Variants in PCDH11X observed in about 807,000 individuals in gnomAD.
PCDH11X encodes the protein protocadherin-11 X-linked.
A neutral mutation model predicts 53.3 loss-of-function variants in PCDH11X; 18 were observed. The observed-to-expected ratio is 0.34, with a 90% CI of 0.23 to 0.50. PCDH11X has a LOEUF of 0.50. Ranked by LOEUF, PCDH11X falls within the 20% of genes least tolerant of loss-of-function variation. The pLI is 0.98. For missense variants in PCDH11X, 570 were observed against 1,032.4 expected (o/e 0.55, Z 6.14); for synonymous variants, 279 against 393.3 (o/e 0.71, Z 3.44).
chrX:92,534,977 C>T (rs145119318), intron 10 of PCDH11X, among the ~76,000 whole-genome samples: 1,758 of 111,217 alleles, frequency 0.016, 42 homozygotes, highest in African/African-American at 0.054. Context: ...AGTGAGATAC[C>T]ATCTCACACC....
chrX:92,575,592 A>G (rs756894919), intron 10 of PCDH11X, among the ~76,000 whole-genome samples: 28 of 108,786 alleles, frequency 2.6e-4, no homozygotes, highest in South Asian at 1.2e-3. Context: ...ACTGTTGTCT[A>G]CTATTATGTT....
chrX:91,997,710 G>A (rs1159384284), intron 6 of PCDH11X, among the ~76,000 whole-genome samples: 1 of 111,090 alleles, frequency 9.0e-6, no homozygotes, highest in Non-Finnish European at 1.9e-5. Flanking sequence ...TTTGGTAACA[G>A]GGTATTGCTG....
chrX:92,469,904 A>G (rs1020658694), intron 10 of PCDH11X, among the ~76,000 whole-genome samples: 3 of 109,414 alleles, frequency 2.7e-5, no homozygotes, highest in South Asian at 3.9e-4. Context: ...TTGTGGTTCC[A>G]TATAAGTTTT....
At chrX:92,336,388 CAGAGGT>C (rs2069619468) in intron 8 of PCDH11X, among the ~76,000 whole-genome samples, 1 of 111,037 alleles carries the variant, frequency 9.0e-6, no homozygotes, top group African/African-American at 3.3e-5. Flanking sequence ...TAAAGAAAAC[CAGAGGT>C]AGTCCATGTT....
chrX:92,165,167 T>C (rs948827319), intron 6 of PCDH11X, among the ~76,000 whole-genome samples: 5 of 111,774 alleles, frequency 4.5e-5, no homozygotes, highest in Non-Finnish European at 9.4e-5. Flanking sequence ...AATAAATCAA[T>C]AATTTTAAGG....
intron 6 of PCDH11X, among the ~76,000 whole-genome samples, chrX:92,020,520 A>G (rs1465332240): frequency 4.5e-5 from 5 of 110,209 alleles, no homozygotes; most frequent in African/African-American, 1.7e-4. Flanking sequence ...AGCCCCAGGA[A>G]CTCAGGAACA....
chrX:92,179,193 G>A lies in PCDH11X; in HGVS notation c.3034-22182G>A, dbSNP rs762646391. ...ACTGGAAACAAAAGCTGACTATTTC[G>A]ATCTTAAACTATCTGAATTATTACT... On this transcript the variant is annotated intron_variant, in intron 6 of 10. Coordinates refer to ENST00000682573, the MANE Select transcript of PCDH11X (RefSeq NM_032968.5). 3.1e-4 allele frequency among the ~76,000 whole-genome samples: 35 copies of A among 111,943 alleles called. No individual in the cohort carries two copies. In the East Asian group the frequency reaches 6.2e-3, roughly 20 times the overall value.
intron 6 of PCDH11X, among the ~76,000 whole-genome samples, chrX:92,112,853 TA>T (rs2064549324): frequency 1.0e-5 from 1 of 96,272 alleles, no homozygotes; most frequent in Non-Finnish European, 2.0e-5. Context: ...AAATTAACTC[TA>T]AAAAAGGCAG....
chrX:92,389,728 T>G (rs1320615301), intron 9 of PCDH11X, among the ~76,000 whole-genome samples: 1 of 111,097 alleles, frequency 9.0e-6, no homozygotes, highest in African/African-American at 3.3e-5. Flanking sequence ...AATAAGTAGT[T>G]GTTTTAAAAA....
intron 5 of PCDH11X, among the ~76,000 whole-genome samples, chrX:91,848,269 G>A (rs1201193373): frequency 9.3e-6 from 1 of 107,908 alleles, no homozygotes; most frequent in African/African-American, 3.4e-5. Context: ...ATGCGATCTC[G>A]GCTCACTGCA....
intron 1 of PCDH11X, among the ~76,000 whole-genome samples, 119 bp from the exon 2 acceptor site, chrX:91,809,347 A>G (rs1936223982): frequency 9.0e-6 from 1 of 110,883 alleles, no homozygotes; most frequent in Non-Finnish European, 1.9e-5. Flanking sequence ...ATTCTTCGGT[A>G]CTATCATATC....
intron 9 of PCDH11X, among the ~76,000 whole-genome samples, chrX:92,401,824 G>T (rs149631448): frequency 0.014 from 1,513 of 111,888 alleles, 26 homozygotes; most frequent in African/African-American, 0.047. Flanking sequence ...AATTACTATG[G>T]ATCAAATGAT....
intron 6 of PCDH11X, among the ~76,000 whole-genome samples, chrX:92,196,893 A>G (rs1030514389): frequency 3.3e-4 from 37 of 111,469 alleles, no homozygotes; most frequent in Non-Finnish European, 2.3e-4. Context: ...AATGAATCAC[A>G]TGGTGAATGG....
chrX:92,298,788 G>A (rs1190357643), intron 8 of PCDH11X, among the ~76,000 whole-genome samples: 2 of 110,895 alleles, frequency 1.8e-5, no homozygotes, highest in Non-Finnish European at 3.8e-5. Flanking sequence ...ATGAACTAGG[G>A]GGGAAGAGAG....
At chrX:92,087,252 G>C (rs1323194385) in intron 6 of PCDH11X, among the ~76,000 whole-genome samples, 1 of 108,307 alleles carries the variant, frequency 9.2e-6, no homozygotes, top group Non-Finnish European at 1.9e-5. Context: ...GCACCACCAC[G>C]CCTGGCTAAT....
At chrX:92,149,471 G>GTA (rs200040823) in intron 6 of PCDH11X, among the ~76,000 whole-genome samples, 3 of 97,024 alleles carry the variant, frequency 3.1e-5, no homozygotes, top group African/African-American at 1.1e-4. Flanking sequence ...GTGTGTGTGT[G>GTA]TATATATGTG....
At chrX:92,170,917 G>A (rs867401069) in intron 6 of PCDH11X, among the ~76,000 whole-genome samples, 4 of 61,207 alleles carry the variant, frequency 6.5e-5, no homozygotes, top group East Asian at 1.1e-3. Context: ...TCAGCCTCCC[G>A]AGTAGCTGGG....
rs1267177658 is a variant in PCDH11X, at chrX:92,196,762, G to C, written c.3034-4613G>C. 3.6e-5 allele frequency among the ~76,000 whole-genome samples: 4 copies of C among 111,031 alleles called. No homozygotes were observed. In the East Asian group the frequency reaches 1.1e-3, roughly 32 times the overall value. On this transcript the variant is annotated intron_variant, in intron 6 of 10. Transcript: ENST00000682573. ...AGGCCAGCATACTCCATCCCTGGCA[G>C]GGCTGCTCGGGGCCTTTCTCTTGTA...
Position 91,853,221 on chromosome X carries a change from C to T in PCDH11X, c.540+17177C>T, listed in dbSNP as rs1172188540. 2.7e-5 allele frequency among the ~76,000 whole-genome samples: 3 copies of T among 111,196 alleles called. No individual in the cohort carries two copies. The Admixed American group carries it at 2.9e-4, about 11-fold the overall frequency. Reference sequence around the variant, plus strand: ...AGTGCTAAATGATAAAACAGAGTAGCCTGAGGTGGTTTTCTTCTAATTTCA... The same window carrying T: ...AGTGCTAAATGATAAAACAGAGTAGTCTGAGGTGGTTTTCTTCTAATTTCA... On this transcript the variant is annotated intron_variant, in intron 5 of 10. Transcript: ENST00000682573.
Sources: gnomAD v4.1 joint callset for allele counts (sites outside exome capture counted in the v4.1 genomes callset) on GRCh38, gnomAD v4.1.1 for gene constraint, MANE v1.5 for transcripts, NCBI Gene and HGNC (gene_info 2026-07-23, HGNC 2026-07-21) for gene names.